Variants in BBX observed in about 807,000 individuals in gnomAD.
BBX encodes BBX high mobility group box domain containing, also known as HMG box transcription factor BBX.
In BBX, 30 loss-of-function variants were observed where a neutral mutation model predicts 100.2. That is an observed-to-expected ratio of 0.30 (90% confidence interval 0.22 to 0.41). The LOEUF is 0.41. Ranked by LOEUF, BBX falls within the 10% of genes least tolerant of loss-of-function variation. BBX has a pLI of 1.00. For synonymous variants in BBX, 376 were observed against 388.1 expected (o/e 0.97, Z 0.37); for missense variants, 1,023 against 1,129.8 (o/e 0.91, Z 1.35).
rs563945681 is a variant in BBX, at chr3:107,731,160, G to C, written c.602-1796G>C. 5.3e-5 allele frequency among the ~76,000 whole-genome samples: 8 copies of C among 152,272 alleles called. No homozygotes were observed. In the East Asian group the frequency reaches 1.5e-3, roughly 29 times the overall value. ...TTTTGATAGTTCTAAATAACTTTAT[G>C]TAAGTATGAATTAATATAAAGGATA... On this transcript the variant is annotated intron_variant, in intron 6 of 17. Transcript: ENST00000325805.
intron 6 of BBX, 130 bp from the exon 7 acceptor site, chr3:107,732,826 G>GT: frequency 1.3e-6 from 1 of 742,254 alleles, no homozygotes. Flanking sequence ...GTTTTTAAAA[G>GT]TTTTTATAAA....
chr3:107,655,793 C>G (rs75774080), intron 3 of BBX, among the ~76,000 whole-genome samples: 1 of 151,686 alleles, frequency 6.6e-6, no homozygotes, highest in Admixed American at 6.6e-5. Context: ...CTCCACCTCC[C>G]GGATTCGCGC....
At position 107,811,245 on chromosome 3, in the gene BBX, C is replaced by T. The variant is rs1231669388; in HGVS notation, c.*5788C>T. 1.3e-5 allele frequency: 2 copies of T among 151,900 alleles called. No individual in the cohort carries two copies. The highest frequency in any genetic ancestry group is 2.1e-4 in the South Asian group (1 of 4,816). The allele number at this position is 151,900 out of a possible 1,614,324, so 9.4% of individuals were successfully genotyped here. A position where few individuals can be genotyped will look rare whatever the true frequency, so the allele number is the denominator to read the frequency against. On this transcript the variant is annotated 3_prime_UTR_variant, in exon 18 of 18. Coordinates refer to ENST00000325805, the MANE Select transcript of BBX (RefSeq NM_001142568.3). ...ATTTCTTTATGTTCACACTACTGGC[C>T]GTAGAGTATGTGCCTTTAATGTACC... is the stretch of plus-strand genomic sequence containing the variant.
chr3:107,710,726 C>G (rs1348316988), intron 4 of BBX, 104 bp downstream of exon 4: 2 of 1,082,050 alleles, frequency 1.8e-6, no homozygotes, highest in Non-Finnish European at 2.6e-6. Context: ...TTCCAAAAGC[C>G]TGTATAGCTT....
At chr3:107,771,913 G>A (rs140414065) in intron 10 of BBX, among the ~76,000 whole-genome samples, 41 of 152,228 alleles carry the variant, frequency 2.7e-4, no homozygotes, top group Non-Finnish European at 5.1e-4. Context: ...GTTTGAGGAT[G>A]ATTAAATACA....
At chr3:107,798,222 TAATTTACTCA>T (rs2108005740) in intron 15 of BBX, among the ~76,000 whole-genome samples, 1 of 152,350 alleles carries the variant, frequency 6.6e-6, no homozygotes, top group South Asian at 2.1e-4. Flanking sequence ...CAAGAGGACA[TAATTTACTCA>T]GATTTACCTA....
At chr3:107,562,817 C>T (rs1287775740) in intron 2 of BBX, among the ~76,000 whole-genome samples, 1 of 152,082 alleles carries the variant, frequency 6.6e-6, no homozygotes, top group African/African-American at 2.4e-5. Context: ...AATGAATTAA[C>T]GTGCTTCAGA....
At chr3:107,723,695 A>C (rs1246415457) in intron 5 of BBX, among the ~76,000 whole-genome samples, 1 of 152,058 alleles carries the variant, frequency 6.6e-6, no homozygotes, top group Non-Finnish European at 1.5e-5. Flanking sequence ...TTTGCTGAGA[A>C]TGATGGTTTC....
chr3:107,624,767 G>A (rs1370912716), intron 2 of BBX, among the ~76,000 whole-genome samples: 2 of 152,198 alleles, frequency 1.3e-5, no homozygotes. Flanking sequence ...TACTTGGGAG[G>A]CTGAGGCACA....
Position 107,744,679 on chromosome 3 carries a change from G to T in BBX, c.719G>T (p.Arg240Leu), listed in dbSNP as rs140692011. ...GATGTTTCAGAATCTCCTGAATTAC[G>T]TCAGAAGTCACCATTGTTTCAGTTT... The part of the protein sequence containing the change: ...RPDVSESPEL[R>L]QKSPLFQFAE... The change falls in exon 8 of 18, where the codon CGT (arginine) becomes CTT (leucine). Residue 240 changes from arginine to leucine, a missense_variant. This residue lies in a region of BBX where 95 missense variants were observed against 95.1 expected (regional missense o/e 1.00). Transcript: ENST00000325805. The T allele has an allele frequency of 1.9e-6, 3 of 1,613,042 alleles. No individual in the cohort carries two copies. Among genetic ancestry groups the T allele is most frequent in the Non-Finnish European group, 2.5e-6 (3 of 1,179,378 alleles).
chr3:107,554,066 T>C (rs1333659639), intron 2 of BBX, among the ~76,000 whole-genome samples: 1 of 152,208 alleles, frequency 6.6e-6, no homozygotes, highest in African/African-American at 2.4e-5. Flanking sequence ...CTGAAGTTGA[T>C]TATGATATGC....
At chr3:107,536,155 C>T (rs937102768) in intron 2 of BBX, among the ~76,000 whole-genome samples, 4 of 152,094 alleles carry the variant, frequency 2.6e-5, no homozygotes, top group African/African-American at 7.2e-5. Context: ...TTTAATTTTA[C>T]CTGAGGAACT....
At chr3:107,695,183 G>A (rs1194834899) in intron 3 of BBX, among the ~76,000 whole-genome samples, 1 of 114,124 alleles carries the variant, frequency 8.8e-6, no homozygotes, top group Non-Finnish European at 1.7e-5. Flanking sequence ...GGTTTTTTGT[G>A]TCTCTATTTC....
intron 4 of BBX, 90 bp from the exon 5 acceptor site, chr3:107,716,517 A>C (rs2062119172): frequency 1.3e-6 from 2 of 1,497,002 alleles, no homozygotes; most frequent in Admixed American, 2.1e-5. Context: ...GGAGCTAAGA[A>C]AAAAATACAA....
At chr3:107,624,484 G>A (rs996462508) in intron 2 of BBX, among the ~76,000 whole-genome samples, 23 of 152,124 alleles carry the variant, frequency 1.5e-4, no homozygotes, top group African/African-American at 5.5e-4. Context: ...ATGCTGAAGG[G>A]CGTAATAAAA....
chr3:107,741,278 G>T (rs986301032), intron 7 of BBX, among the ~76,000 whole-genome samples: 1 of 152,008 alleles, frequency 6.6e-6, no homozygotes, highest in Non-Finnish European at 1.5e-5. Flanking sequence ...CAGGAGGCCA[G>T]TTCACTTTTT....
chr3:107,744,611 A>G lies in BBX; in HGVS notation c.670-19A>G. Reference sequence around the variant, plus strand: ...AGTAAATAGTACAAAAGAAAATATGATATCTTTCTTTGTTTCAGGTATCCT... The same window carrying G: ...AGTAAATAGTACAAAAGAAAATATGGTATCTTTCTTTGTTTCAGGTATCCT... On this transcript the variant is annotated intron_variant, in intron 7 of 17. Transcript: ENST00000325805. The G allele has an allele frequency of 2.7e-6, 4 of 1,490,660 alleles. No homozygotes were observed. The highest frequency in any genetic ancestry group is 1.8e-5 in the African/African-American group (1 of 55,872). The allele number at this position is 1,490,660 out of a possible 1,614,324, so 92.3% of individuals were successfully genotyped here. A position where few individuals can be genotyped will look rare whatever the true frequency, so the allele number is the denominator to read the frequency against.
At chr3:107,634,970 G>A (rs886787444) in intron 2 of BBX, among the ~76,000 whole-genome samples, 1 of 152,162 alleles carries the variant, frequency 6.6e-6, no homozygotes, top group Admixed American at 6.5e-5. Context: ...TGATGTTCAT[G>A]TGTGACCATA....
chr3:107,769,904 T>C (rs1345261295), intron 10 of BBX, among the ~76,000 whole-genome samples: 3 of 152,314 alleles, frequency 2.0e-5, no homozygotes, highest in East Asian at 3.9e-4. Context: ...TTTCGGTTAA[T>C]GAGTAGATTT....
Sources: gnomAD v4.1 joint callset for allele counts (sites outside exome capture counted in the v4.1 genomes callset) on GRCh38, gnomAD v4.1.1 for gene constraint, gnomAD v4.1.1 regional missense constraint, MANE v1.5 for transcripts, NCBI Gene and HGNC (gene_info 2026-07-23, HGNC 2026-07-21) for gene names.